BTBD2: variants seen among roughly 807,000 people sequenced by gnomAD.
BTBD2 encodes BTB/POZ domain-containing protein 2.
In BTBD2, 15 loss-of-function variants were observed where a neutral mutation model predicts 44.0. The observed-to-expected ratio is 0.34, with a 90% CI of 0.23 to 0.53. BTBD2 has a LOEUF of 0.53. Ranked by LOEUF, BTBD2 falls within the 20% of genes least tolerant of loss-of-function variation. The pLI is 0.95. For missense variants in BTBD2, 657 were observed against 746.4 expected (o/e 0.88, Z 1.39); for synonymous variants, 443 against 335.9 (o/e 1.32, Z -3.49).
At position 2,015,580 on chromosome 19, in the gene BTBD2, C is replaced by A. The variant is rs2016525568; in HGVS notation, c.124G>T (p.Ala42Ser). 1 of 910,362 alleles carries A rather than the reference C, an allele frequency of 1.1e-6. No individual in the cohort carries two copies. The highest frequency in any genetic ancestry group is 2.1e-5 in the African/African-American group (1 of 48,634). The allele number at this position is 910,362 out of a possible 1,614,324, so 56.4% of individuals were successfully genotyped here. A position where few individuals can be genotyped will look rare whatever the true frequency, so the allele number is the denominator to read the frequency against. Reference protein sequence around the residue: ...AAATPAPGNAAAAAAAAAAAA... With the variant: ...AAATPAPGNASAAAAAAAAAA... Reference sequence around the variant, plus strand: ...GCGGCGGCGGCGGCGGCGGCGGCGGCCGCGTTGCCGGGGGCCGGGGTGGCG... The same window carrying A: ...GCGGCGGCGGCGGCGGCGGCGGCGGACGCGTTGCCGGGGGCCGGGGTGGCG... The change falls in exon 1 of 9, where the codon GCC becomes TCC. Residue 42 changes from alanine to serine, a missense_variant. Physicochemically the swap from Ala to Ser is moderately conservative, Grantham distance 99. This residue lies in a region of BTBD2 where 191 missense variants were observed against 188.5 expected (regional missense o/e 1.01). Coordinates refer to ENST00000255608, the MANE Select transcript of BTBD2 (RefSeq NM_017797.4).
At position 1,986,556 on chromosome 19, in the gene BTBD2, C is replaced by T. The variant is rs1042017862; in HGVS notation, c.1510G>A (p.Ala504Thr). Residue 504 changes from alanine to threonine, a missense_variant, in exon 9 of 9, where the codon GCG becomes ACG. Physicochemically the swap from Ala to Thr is moderately conservative, Grantham distance 58. Coordinates refer to ENST00000255608, the MANE Select transcript of BTBD2 (RefSeq NM_017797.4). The stretch of plus-strand genomic sequence containing the variant: ...GATGTGCCATTGTTGTTCCCGGCCG[C>T]GTAGCAAAAGGTGAAGCAGGTCTTG... Reference protein sequence around the residue: ...GAKTCFTFCYAAGNNNGTSVE... With the variant: ...GAKTCFTFCYTAGNNNGTSVE... The T allele has an allele frequency of 4.3e-6, 7 of 1,613,954 alleles. No individual in the cohort carries two copies. The African/African-American group carries it at 5.3e-5, about 12-fold the overall frequency.
rs776523309 is a variant in BTBD2 at position 1,987,600 on chromosome 19, C to T, written c.1081G>A (p.Asp361Asn). Residue 361 changes from aspartate to asparagine, a missense_variant, in exon 6 of 9, where the codon GAC becomes AAC. Asp to Asn is a conservative substitution (Grantham distance 23). This residue lies in a region of BTBD2 where 449 missense variants were observed against 510.9 expected (regional missense o/e 0.88). Coordinates refer to ENST00000255608, the MANE Select transcript of BTBD2 (RefSeq NM_017797.4). The stretch of plus-strand genomic sequence containing the variant: ...CCACGCAGGCAGCAGCGGGGCCGGT[C>T]AATGAACTCCACTCGTGGCTTGGGG... ...VNPKPRVEFIDRPRCCLRGKE... is the reference protein window; with the variant it reads ...VNPKPRVEFINRPRCCLRGKE... The T allele has an allele frequency of 1.2e-6, 2 of 1,612,650 alleles. No homozygotes were observed. Among genetic ancestry groups the T allele is most frequent in the Non-Finnish European group, 8.5e-7 (1 of 1,179,732 alleles).
chr19:2,004,343 G>A (rs1193819445), intron 1 of BTBD2, among the ~76,000 whole-genome samples: 1 of 149,240 alleles, frequency 6.7e-6, no homozygotes, highest in Non-Finnish European at 1.5e-5. Context: ...AGGCTGGAGT[G>A]CAATGGCATG....
intron 2 of BTBD2, among the ~76,000 whole-genome samples, chr19:1,995,062 G>A (rs1365022181): frequency 1.3e-5 from 2 of 151,992 alleles, no homozygotes; most frequent in East Asian, 1.9e-4. Context: ...CTGCCTCCCA[G>A]GTTCAAGCGA....
intron 1 of BTBD2, among the ~76,000 whole-genome samples, chr19:2,012,935 C>T (rs376144709): frequency 1.3e-5 from 2 of 152,162 alleles, no homozygotes; most frequent in South Asian, 4.1e-4. Context: ...CTGCATCCAA[C>T]CTACCCCCTC....
At chr19:1,999,259 C>T (rs915601964) in intron 1 of BTBD2, among the ~76,000 whole-genome samples, 11 of 152,218 alleles carry the variant, frequency 7.2e-5, no homozygotes, top group African/African-American at 1.9e-4. Flanking sequence ...CTTCCACATC[C>T]GCCCCGAACC....
chr19:2,014,087 T>C (rs538847829), intron 1 of BTBD2: 6 of 149,102 alleles, frequency 4.0e-5, no homozygotes, highest in Admixed American at 3.3e-4. Context: ...CACTTGAGTG[T>C]AGTGGGGTCC....
intron 2 of BTBD2, among the ~76,000 whole-genome samples, chr19:1,994,027 A>AAAT: frequency 8.8e-6 from 1 of 113,704 alleles, no homozygotes; most frequent in South Asian, 3.0e-4. Context: ...AAAAAAAAAA[A>AAAT]GCAGCACAGG....
chr19:2,009,520 C>T (rs907020836), intron 1 of BTBD2, among the ~76,000 whole-genome samples: 1 of 150,920 alleles, frequency 6.6e-6, no homozygotes, highest in South Asian at 2.1e-4. Context: ...TTCTAGACCT[C>T]GCTACAATGC....
intron 3 of BTBD2, 53 bp from the exon 4 acceptor site, chr19:1,990,875 C>T (rs1043410745): frequency 3.7e-5 from 54 of 1,469,240 alleles, no homozygotes; most frequent in East Asian, 7.4e-5. Context: ...ACCCAGCCCT[C>T]GGCAGATCCC....
intron 1 of BTBD2, among the ~76,000 whole-genome samples, chr19:2,002,256 T>C (rs2145640396): frequency 6.6e-6 from 1 of 152,266 alleles, no homozygotes; most frequent in East Asian, 1.9e-4. Context: ...AACTGTTAAA[T>C]GTTTTGTACA....
At chr19:1,993,867 G>A (rs1399194818) in intron 2 of BTBD2, among the ~76,000 whole-genome samples, 16 of 151,312 alleles carry the variant, frequency 1.1e-4, no homozygotes, top group Non-Finnish European at 2.1e-4. Context: ...CGTGGTGGTG[G>A]GCGCCTGTAG....
rs2016070915 is a variant in BTBD2, at chr19:1,985,859, C to T, written c.*629G>A. On this transcript the variant is annotated 3_prime_UTR_variant, in exon 9 of 9. Transcript: ENST00000255608. The stretch of plus-strand genomic sequence containing the variant: ...AACGGACACTGCAAACCGCTCACCA[C>T]CTGGGCCAGGGCTAGGCCTATCCGG... 1 of 152,824 alleles carries T rather than the reference C, an allele frequency of 6.5e-6. No homozygotes were observed. Among genetic ancestry groups the T allele is most frequent in the Non-Finnish European group, 1.5e-5 (1 of 68,512 alleles). The allele number at this position is 152,824 out of a possible 1,614,324, so 9.5% of individuals were successfully genotyped here. A position where few individuals can be genotyped will look rare whatever the true frequency, so the allele number is the denominator to read the frequency against.
At chr19:2,001,554 T>C (rs921342689) in intron 1 of BTBD2, among the ~76,000 whole-genome samples, 8 of 152,284 alleles carry the variant, frequency 5.3e-5, no homozygotes, top group African/African-American at 1.7e-4. Flanking sequence ...GGGCCAATGA[T>C]TCCGTGATGT....
chr19:2,008,938 G>A (rs949697429), intron 1 of BTBD2, among the ~76,000 whole-genome samples: 15 of 151,806 alleles, frequency 9.9e-5, no homozygotes, highest in African/African-American at 3.1e-4. Context: ...ATACCACAAA[G>A]CAGCAATCAT....
rs2016331908 is a variant in BTBD2 at position 2,001,641 on chromosome 19, G to A, written c.408-4178C>T. ...TCCAAGCTGGTGACTTTATCCACGT[G>A]CCACGAGGGTGGCCGTCCCGAGCCC... is the stretch of plus-strand genomic sequence containing the variant. On this transcript the variant is annotated intron_variant, in intron 1 of 8. Coordinates refer to ENST00000255608, the MANE Select transcript of BTBD2 (RefSeq NM_017797.4). Among the ~76,000 whole-genome samples, 5 of 152,258 alleles carry A rather than the reference G, an allele frequency of 3.3e-5. No homozygotes were observed. In the South Asian group the frequency reaches 1.0e-3, roughly 32 times the overall value.
At chr19:2,008,056 G>C (rs1408319348) in intron 1 of BTBD2, among the ~76,000 whole-genome samples, 1 of 151,632 alleles carries the variant, frequency 6.6e-6, no homozygotes, top group Non-Finnish European at 1.5e-5. Flanking sequence ...CCAGGCTGGA[G>C]TGCAGCAGCA....
intron 1 of BTBD2, among the ~76,000 whole-genome samples, chr19:2,001,138 G>C (rs558620284): frequency 6.6e-6 from 1 of 152,142 alleles, no homozygotes; most frequent in East Asian, 1.9e-4. Context: ...ACAAAAATTA[G>C]CCAGGTGTGG....
rs755616375 is a variant in BTBD2 at position 2,000,462 on chromosome 19, G to A, written c.408-2999C>T. 3.3e-4 allele frequency among the ~76,000 whole-genome samples: 50 copies of A among 152,348 alleles called. 2 individuals carry two copies. The highest frequency in any genetic ancestry group is 3.4e-3 in the Middle Eastern group (1 of 294). ...CAGGAGGCACTCAAGTGGGCCCGGCGTGGGCCGTCCATGCAGTTTGGAATC... is the reference window on the plus strand; with the variant it reads ...CAGGAGGCACTCAAGTGGGCCCGGCATGGGCCGTCCATGCAGTTTGGAATC... On this transcript the variant is annotated intron_variant, in intron 1 of 8. Transcript: ENST00000255608.
Sources: gnomAD v4.1 joint callset for allele counts (sites outside exome capture counted in the v4.1 genomes callset) on GRCh38, gnomAD v4.1.1 for gene constraint, gnomAD v4.1.1 regional missense constraint, MANE v1.5 for transcripts, NCBI Gene and HGNC (gene_info 2026-07-23, HGNC 2026-07-21) for gene names.